KDSR: variants seen among roughly 807,000 people sequenced by gnomAD.
KDSR encodes 3-ketodihydrosphingosine reductase, also known as 3-dehydrosphinganine reductase.
A neutral mutation model predicts 41.3 loss-of-function variants in KDSR; 23 were observed. The observed-to-expected ratio is 0.56, with a 90% CI of 0.40 to 0.79. The LOEUF (loss-of-function observed/expected upper bound fraction) is 0.79, where lower values mean the gene tolerates loss of function less well. Ranked by LOEUF, KDSR falls within the 30% of genes least tolerant of loss-of-function variation. The pLI, the probability that KDSR is intolerant of heterozygous loss-of-function variation, is 0.00. For missense variants in KDSR, 351 were observed against 416.8 expected (o/e 0.84, Z 1.37); for synonymous variants, 138 against 151.7 (o/e 0.91, Z 0.66).
In KDSR at chr18:63,337,113, A is replaced by ATATATATATATATATATATAT. The variant is rs1555713254; in HGVS notation, c.777+1686_777+1687insATATATATATATATATATATA. On this transcript the variant is annotated intron_variant, in intron 8 of 9. Coordinates refer to ENST00000645214, the MANE Select transcript of KDSR (RefSeq NM_002035.4). The stretch of plus-strand genomic sequence containing the variant: ...GTGACTTTATATATATATATATGTG[A>ATATATATATATATATATATAT]ATATATATATATATATATATATATG... Among the ~76,000 whole-genome samples the ATATATATATATATATATATAT allele has an allele frequency of 2.3e-5, 3 of 127,774 alleles. 1 individual carries two copies. The highest frequency in any genetic ancestry group is 4.9e-5 in the Non-Finnish European group (3 of 61,144). 83.8% of individuals were successfully genotyped at this position (127,774 alleles called of 152,430 possible).
At chr18:63,358,814 C>CAAAAAAAA (rs10652370) in intron 3 of KDSR, among the ~76,000 whole-genome samples, 3 of 62,622 alleles carry the variant, frequency 4.8e-5, no homozygotes, top group Admixed American at 2.6e-4. Context: ...GACTCTGTCT[C>CAAAAAAAA]AAAAAAAAAA....
rs562079855 is a variant in KDSR, at chr18:63,332,583, G to A, written c.880-682C>T. Among the ~76,000 whole-genome samples, 18 of 152,326 alleles carry A rather than the reference G, an allele frequency of 1.2e-4. No individual in the cohort carries two copies. In the East Asian group the frequency reaches 3.5e-3, roughly 29 times the overall value. On this transcript the variant is annotated intron_variant, in intron 9 of 9. Coordinates refer to ENST00000645214, the MANE Select transcript of KDSR (RefSeq NM_002035.4). ...GCGGTGGCTCACGCCTGTAATCCCA[G>A]CACTTTGGGAGGCCGAGGCGGGTGG...
In KDSR at chr18:63,328,930, C is replaced by T. The variant is rs1275746349; in HGVS notation, c.*2852G>A. ...TACATACAGAAGGCCAACATTTAAA[C>T]TGAATGATAATTAAACGTTTACTAC... is the stretch of plus-strand genomic sequence containing the variant. On this transcript the variant is annotated 3_prime_UTR_variant, in exon 10 of 10. Transcript: ENST00000645214. 4 of 191,638 alleles carry T rather than the reference C, an allele frequency of 2.1e-5. No homozygotes were observed. The highest frequency in any genetic ancestry group is 7.0e-5 in the African/African-American group (3 of 42,952). The allele number at this position is 191,638 out of a possible 1,614,324, so 11.9% of individuals were successfully genotyped here. A position where few individuals can be genotyped will look rare whatever the true frequency, so the allele number is the denominator to read the frequency against.
intron 5 of KDSR, among the ~76,000 whole-genome samples, chr18:63,353,939 T>C (rs961802864): frequency 6.6e-6 from 1 of 152,108 alleles, no homozygotes; most frequent in Non-Finnish European, 1.5e-5. Context: ...TCCCTCTGCA[T>C]GGCTCACTTT....
At position 63,328,106 on chromosome 18, in the gene KDSR, A is replaced by G. The variant is rs1253279211; in HGVS notation, c.*3676T>C. Reference sequence around the variant, plus strand: ...GCATCTTATGTCAAAGAGTATGAATATTTAAAAGTGGCCTCAAGTGAGTAA... The same window carrying G: ...GCATCTTATGTCAAAGAGTATGAATGTTTAAAAGTGGCCTCAAGTGAGTAA... On this transcript the variant is annotated 3_prime_UTR_variant, in exon 10 of 10. Coordinates refer to ENST00000645214, the MANE Select transcript of KDSR (RefSeq NM_002035.4). The G allele has an allele frequency of 1.1e-5, 2 of 190,216 alleles. No homozygotes were observed. Among genetic ancestry groups the G allele is most frequent in the Non-Finnish European group, 2.2e-5 (2 of 90,744 alleles). The allele number at this position is 190,216 out of a possible 1,614,324, so 11.8% of individuals were successfully genotyped here. A position where few individuals can be genotyped will look rare whatever the true frequency, so the allele number is the denominator to read the frequency against.
At chr18:63,365,499 C>G (rs189753479) in intron 1 of KDSR, among the ~76,000 whole-genome samples, 1 of 152,252 alleles carries the variant, frequency 6.6e-6, no homozygotes, top group Admixed American at 6.5e-5. Context: ...AAATAATAAT[C>G]CTGCGTATTA....
chr18:63,366,989 G>T (rs770690278), intron 1 of KDSR, 22 bp downstream of exon 1: 7 of 1,239,848 alleles, frequency 5.6e-6, no homozygotes, highest in Non-Finnish European at 6.3e-6. Flanking sequence ...AAGTCGGGGG[G>T]CAGCAACAGG....
chr18:63,350,985 A>C lies in KDSR; in HGVS notation c.512T>G (p.Val171Gly). The part of the protein sequence containing the change: ...KERRVGRIVF[V>G]SSQAGQLGLF... ...TCCCAACTGTCCTGCCTGGGAGGAC[A>C]CAAACACGATCCTGCCCACCCGGCG... Residue 171 changes from valine (V) to glycine (G), a missense_variant, in exon 6 of 10, where the codon GTG becomes GGG. Physicochemically the swap from Val to Gly is moderately radical, Grantham distance 109. Coordinates refer to ENST00000645214, the MANE Select transcript of KDSR (RefSeq NM_002035.4). 1 of 1,614,212 alleles carries C rather than the reference A, an allele frequency of 6.2e-7. No homozygotes were observed. Among genetic ancestry groups the C allele is most frequent in the Non-Finnish European group, 8.5e-7 (1 of 1,179,998 alleles).
At chr18:63,345,420 A>T (rs1451649956) in intron 6 of KDSR, 1 of 152,282 alleles carries the variant, frequency 6.6e-6, no homozygotes, top group Non-Finnish European at 1.5e-5. Flanking sequence ...CCTGCTGCAC[A>T]TGCTTATCTT....
chr18:63,349,266 T>G (rs1288168415), intron 6 of KDSR, among the ~76,000 whole-genome samples: 1 of 152,006 alleles, frequency 6.6e-6, no homozygotes, highest in Non-Finnish European at 1.5e-5. Context: ...ACTTGTGGTC[T>G]TAGCTACTTG....
rs181772990 is a variant in KDSR, at chr18:63,330,257, A to G, written c.*1525T>C. 2.9e-5 allele frequency: 6 copies of G among 209,128 alleles called. No homozygotes were observed. The highest frequency in any genetic ancestry group is 1.4e-4 in the African/African-American group (6 of 44,106). 13.0% of individuals were successfully genotyped at this position (209,128 alleles called of 1,614,324 possible). A position where few individuals can be genotyped will look rare whatever the true frequency, so the allele number is the denominator to read the frequency against. On this transcript the variant is annotated 3_prime_UTR_variant, in exon 10 of 10. Coordinates refer to ENST00000645214, the MANE Select transcript of KDSR (RefSeq NM_002035.4). ...TTTAAGTTTTATTTTACAATTTAAG[A>G]AAGTTTCCTCTTCAAAAACAGAGGT...
intron 8 of KDSR, among the ~76,000 whole-genome samples, chr18:63,336,485 A>G (rs112355348): frequency 2.9e-4 from 44 of 152,358 alleles, no homozygotes; most frequent in African/African-American, 1.0e-3. Flanking sequence ...CTGAGCCTTC[A>G]AGAAAAAATT....
chr18:63,347,606 T>TCA (rs1422738706), intron 6 of KDSR, among the ~76,000 whole-genome samples: 1 of 150,774 alleles, frequency 6.6e-6, no homozygotes, highest in Admixed American at 6.6e-5. Context: ...GGAAAGAAGA[T>TCA]CACAGCTGTT....
intron 3 of KDSR, 187 bp downstream of exon 3, chr18:63,359,549 G>A (rs1370256928): frequency 1.9e-6 from 1 of 533,744 alleles, no homozygotes; most frequent in Non-Finnish European, 3.3e-6. Context: ...ATGAATGTGT[G>A]TGGGAGTCTA....
rs1202013584 is a variant in KDSR, at chr18:63,327,808, C to G, written c.*3974G>C. ...AAGGTATGAAAATTAGATTACAATT[C>G]TGCCACAAAAGCTTCTAAAGTAGCA... On this transcript the variant is annotated 3_prime_UTR_variant, in exon 10 of 10. Coordinates refer to ENST00000645214, the MANE Select transcript of KDSR (RefSeq NM_002035.4). 2 of 190,990 alleles carry G rather than the reference C, an allele frequency of 1.0e-5. No homozygotes were observed. The highest frequency in any genetic ancestry group is 4.6e-5 in the African/African-American group (2 of 43,096). The allele number at this position is 190,990 out of a possible 1,614,324, so 11.8% of individuals were successfully genotyped here. A position where few individuals can be genotyped will look rare whatever the true frequency, so the allele number is the denominator to read the frequency against.
At chr18:63,353,511 G>A (rs1275529815) in intron 5 of KDSR, among the ~76,000 whole-genome samples, 1 of 152,056 alleles carries the variant, frequency 6.6e-6, no homozygotes, top group Non-Finnish European at 1.5e-5. Context: ...AGGGAAGGGT[G>A]GGCTGGCATG....
In KDSR at chr18:63,329,415, A is replaced by G. The variant is rs547199866; in HGVS notation, c.*2367T>C. The stretch of plus-strand genomic sequence containing the variant: ...AAGTACAATACTCTCACATCAGTTC[A>G]AGTCAGATTTTGCTGCCAAATGAAT... On this transcript the variant is annotated 3_prime_UTR_variant, in exon 10 of 10. Transcript: ENST00000645214. 6 of 209,302 alleles carry G rather than the reference A, an allele frequency of 2.9e-5. No individual in the cohort carries two copies. The East Asian group carries it at 4.4e-4, about 15-fold the overall frequency. 13.0% of individuals were successfully genotyped at this position (209,302 alleles called of 1,614,324 possible).
At chr18:63,332,923 CG>C (rs964677375) in intron 9 of KDSR, among the ~76,000 whole-genome samples, 13 of 150,458 alleles carry the variant, frequency 8.6e-5, no homozygotes, top group Admixed American at 2.6e-4. Flanking sequence ...TTGGATCTTC[CG>C]GAAAAAACAA....
intron 6 of KDSR, 145 bp downstream of exon 6, chr18:63,350,743 G>C: frequency 1.5e-6 from 1 of 649,916 alleles, no homozygotes; most frequent in Non-Finnish European, 2.6e-6. Context: ...CAAAACTCAG[G>C]GTTGAGCCAA....
Sources: allele counts gnomAD v4.1 joint callset (sites outside exome capture counted in the v4.1 genomes callset), GRCh38; gene constraint gnomAD v4.1.1; transcripts MANE v1.5; gene names NCBI Gene and HGNC (gene_info 2026-07-23, HGNC 2026-07-21).